The following TPX2 variants were observed in gnomAD, a reference collection of about 807,000 sequenced individuals.
TPX2 encodes the protein TPX2 microtubule nucleation factor, also known as targeting protein for Xklp2.
A neutral mutation model predicts 93.6 loss-of-function variants in TPX2; 21 were observed. The observed-to-expected ratio is 0.22, with a 90% CI of 0.16 to 0.32. TPX2 has a LOEUF of 0.32. Among genes scored for constraint, TPX2 ranks in the 10% least tolerant of loss-of-function variants. TPX2 has a pLI of 1.00. For synonymous variants in TPX2, 281 were observed against 298.3 expected (o/e 0.94, Z 0.60); for missense variants, 776 against 871.1 (o/e 0.89, Z 1.37).
intron 15 of TPX2, among the ~76,000 whole-genome samples, chr20:31,794,874 G>A (rs890474598): frequency 1.3e-5 from 2 of 151,972 alleles, no homozygotes; most frequent in Admixed American, 6.6e-5. Flanking sequence ...AGGCTGGAGT[G>A]CAGTGGCACA....
intron 3 of TPX2, among the ~76,000 whole-genome samples, chr20:31,759,442 C>T (rs967389878): frequency 2.0e-4 from 30 of 146,638 alleles, no homozygotes; most frequent in African/African-American, 6.9e-4. Context: ...GCTCTGTCGC[C>T]AGGCTGTAGT....
chr20:31,762,149 A>C (rs1034745894), intron 4 of TPX2, among the ~76,000 whole-genome samples: 1 of 152,156 alleles, frequency 6.6e-6, no homozygotes, highest in Non-Finnish European at 1.5e-5. Context: ...TTGAATGAAT[A>C]GTTAGCACGT....
intron 17 of TPX2, among the ~76,000 whole-genome samples, chr20:31,798,760 G>A (rs888661816): frequency 6.6e-6 from 1 of 152,194 alleles, no homozygotes; most frequent in African/African-American, 2.4e-5. Flanking sequence ...CTAAGTAGGA[G>A]CTGTAATTTT....
chr20:31,799,834 A>G (rs1003460353), intron 17 of TPX2, among the ~76,000 whole-genome samples: 13 of 143,194 alleles, frequency 9.1e-5, no homozygotes, highest in Non-Finnish European at 1.7e-4. Context: ...TGGGAGGCCC[A>G]GGTTGCAGTG....
intron 3 of TPX2, among the ~76,000 whole-genome samples, chr20:31,759,528 T>C (rs2122987237): frequency 6.6e-6 from 1 of 151,282 alleles, no homozygotes; most frequent in African/African-American, 2.4e-5. Context: ...GCTTCTCAAG[T>C]AGCTGGGATT....
At chr20:31,788,417 CA>C (rs11356550) in intron 12 of TPX2, among the ~76,000 whole-genome samples, 21,622 of 68,568 alleles carry the variant, frequency 0.32, 1,459 homozygotes, top group African/African-American at 0.41. Flanking sequence ...GACTCTGTCT[CA>C]AAAAAAAAAA....
intron 12 of TPX2, among the ~76,000 whole-genome samples, chr20:31,790,815 A>G (rs2062095773): frequency 6.6e-6 from 1 of 152,224 alleles, no homozygotes; most frequent in South Asian, 2.1e-4. Flanking sequence ...CGAAGCACTC[A>G]GGCTAGCAGG....
In TPX2 at chr20:31,743,707, C is replaced by T. The variant is rs563913303; in HGVS notation, c.-71+1060C>T. Among the ~76,000 whole-genome samples the T allele has an allele frequency of 2.2e-3, 327 of 149,274 alleles. 1 individual carries two copies. Among genetic ancestry groups the T allele is most frequent in the African/African-American group, 7.6e-3 (307 of 40,170 alleles). On this transcript the variant is annotated intron_variant, in intron 2 of 17. Coordinates refer to ENST00000300403, the MANE Select transcript of TPX2 (RefSeq NM_012112.5). ...GACCCTGTCTCAAAAAAAGTCTGTA[C>T]ATATGCAGTACAGATGCAGTTTTTT...
chr20:31,792,767 C>T lies in TPX2; in HGVS notation c.1446C>T (p.Thr482=), dbSNP rs187742292. The T allele has an allele frequency of 5.3e-5, 85 of 1,614,166 alleles. No homozygotes were observed. The highest frequency in any genetic ancestry group is 6.9e-5 in the Non-Finnish European group (81 of 1,180,038). ...CTGAAAAGAAGGTACTTCCAATCAC[C>T]GTCCCCAAGTCACCAGCCTTTGCAT... ...GVPEKKVLPI[T]VPKSPAFALK... is the part of the protein sequence containing the mutation. The change falls in exon 13 of 18, where the codon ACC becomes ACT. Residue 482 remains threonine (T), a synonymous_variant. Transcript: ENST00000300403.
intron 3 of TPX2, among the ~76,000 whole-genome samples, chr20:31,758,800 G>A (rs977156277): frequency 2.6e-5 from 4 of 152,184 alleles, no homozygotes; most frequent in African/African-American, 9.7e-5. Flanking sequence ...AGGGCCAGCT[G>A]TCCTGCGGGG....
chr20:31,750,521 AGTG>A (rs138748324), intron 2 of TPX2, among the ~76,000 whole-genome samples: 7,228 of 148,960 alleles, frequency 0.049, 205 homozygotes, highest in Middle Eastern at 0.075. Context: ...ACTGGAGTGC[AGTG>A]GCATGATCTC....
At chr20:31,756,024 A>G (rs1196724398) in intron 2 of TPX2, among the ~76,000 whole-genome samples, 5 of 152,204 alleles carry the variant, frequency 3.3e-5, no homozygotes, top group Non-Finnish European at 7.3e-5. Context: ...TCTTACGTGT[A>G]TTTCAAAGTT....
chr20:31,789,631 ACTTT>A (rs927358304), intron 12 of TPX2, among the ~76,000 whole-genome samples: 5 of 151,596 alleles, frequency 3.3e-5, no homozygotes, highest in South Asian at 2.1e-4. Flanking sequence ...ACAAAAAAAA[ACTTT>A]CTTTGTTTCT....
chr20:31,801,320 T>C lies in TPX2; in HGVS notation c.*240T>C, dbSNP rs2062170794. ...ATGAATGTCTCGATTAGACTCCATG[T>C]AGTTACTTCCTTTAAACCATCAGCC... is the stretch of plus-strand genomic sequence containing the variant. On this transcript the variant is annotated 3_prime_UTR_variant, in exon 18 of 18. Coordinates refer to ENST00000300403, the MANE Select transcript of TPX2 (RefSeq NM_012112.5). 1 of 446,192 alleles carries C rather than the reference T, an allele frequency of 2.2e-6. No individual in the cohort carries two copies. Among genetic ancestry groups the C allele is most frequent in the African/African-American group, 2.0e-5 (1 of 50,800 alleles). 27.6% of individuals were successfully genotyped at this position (446,192 alleles called of 1,614,324 possible). A position where few individuals can be genotyped will look rare whatever the true frequency, so the allele number is the denominator to read the frequency against.
At position 31,796,248 on chromosome 20, in the gene TPX2, C is replaced by T. The variant is rs1348165400; in HGVS notation, c.1834-1156C>T. On this transcript the variant is annotated intron_variant, in intron 15 of 17. Transcript: ENST00000300403. Reference sequence around the variant, plus strand: ...AAGTCTTGTTTCATCCCAACTTCTACCCACTTATCTTACACTGGATACTTC... The same window carrying T: ...AAGTCTTGTTTCATCCCAACTTCTATCCACTTATCTTACACTGGATACTTC... 2.6e-5 allele frequency among the ~76,000 whole-genome samples: 4 copies of T among 152,302 alleles called. No individual in the cohort carries two copies. The East Asian group carries it at 5.8e-4, about 22-fold the overall frequency.
At chr20:31,788,417 C>CAAAAA (rs11356550) in intron 12 of TPX2, among the ~76,000 whole-genome samples, 5 of 68,694 alleles carry the variant, frequency 7.3e-5, no homozygotes, top group African/African-American at 2.5e-4. Context: ...GACTCTGTCT[C>CAAAAA]AAAAAAAAAA....
At chr20:31,786,456 TGTA>T (rs1459463714) in intron 12 of TPX2, among the ~76,000 whole-genome samples, 1 of 150,564 alleles carries the variant, frequency 6.6e-6, no homozygotes, top group African/African-American at 2.4e-5. Context: ...AGTGCAGAAA[TGTA>T]GTGGTGTAAT....
intron 16 of TPX2, 121 bp downstream of exon 16, chr20:31,797,636 G>C (rs1488867707): frequency 1.1e-5 from 10 of 903,640 alleles, no homozygotes; most frequent in Middle Eastern, 2.3e-4. Context: ...TTTAGCAGAT[G>C]GTAGCTTTTC....
At chr20:31,747,189 C>T (rs1020666816) in intron 2 of TPX2, among the ~76,000 whole-genome samples, 4 of 152,152 alleles carry the variant, frequency 2.6e-5, no homozygotes, top group Admixed American at 1.3e-4. Context: ...GGTGCAATCT[C>T]GGCTCACTGC....
Sources: allele counts gnomAD v4.1 joint callset (sites outside exome capture counted in the v4.1 genomes callset), GRCh38; gene constraint gnomAD v4.1.1; transcripts MANE v1.5; gene names NCBI Gene and HGNC (gene_info 2026-07-23, HGNC 2026-07-21).